TIMELESS: variants seen among roughly 807,000 people sequenced by gnomAD.
TIMELESS encodes timeless circadian regulator.
In TIMELESS, 124 loss-of-function variants were observed where a neutral mutation model predicts 164.3. The ratio of observed to expected loss-of-function variants is 0.75; its 90% CI spans 0.65 to 0.88. The LOEUF (loss-of-function observed/expected upper bound fraction) is 0.88, where lower values mean the gene tolerates loss of function less well. TIMELESS is among the 40% of genes least tolerant of loss of function. The pLI is 0.00. For missense variants in TIMELESS, 1,422 were observed against 1,491.4 expected, an observed-to-expected ratio of 0.95 and a Z score of 0.77; for synonymous variants, 564 against 563.4, an observed-to-expected ratio of 1.00 and a Z score of -0.02.
rs35380522 is a variant in TIMELESS, at chr12:56,435,956, CT to C, written c.-61-1726del. Among the ~76,000 whole-genome samples the C allele has an allele frequency of 1.2e-3, 106 of 86,176 alleles. 14 individuals are homozygous for C. The highest frequency in any genetic ancestry group is 1.1e-3 in the Admixed American group (8 of 7,250). 56.5% of individuals were successfully genotyped at this position (86,176 alleles called of 152,430 possible). On this transcript the variant is annotated intron_variant, in intron 1 of 28. Transcript: ENST00000553532. ...CCTGGGCGACAGAGCGAGACTCCGTCTTAAAAAAAAAAAAAAAAAAGAAACA... is the reference window on the plus strand; with the variant it reads ...CCTGGGCGACAGAGCGAGACTCCGTCTAAAAAAAAAAAAAAAAAAGAAACA...
chr12:56,420,052 G>GTA (rs1881412261), intron 26 of TIMELESS, among the ~76,000 whole-genome samples: 1 of 81,816 alleles, frequency 1.2e-5, no homozygotes, highest in Admixed American at 1.4e-4. Context: ...ATATATATGT[G>GTA]TGTGTGTGTG....
intron 15 of TIMELESS, among the ~76,000 whole-genome samples, chr12:56,424,464 C>CA (rs1881605899): frequency 6.6e-6 from 1 of 152,004 alleles, no homozygotes; most frequent in South Asian, 2.1e-4. Context: ...TTTCTCTTAA[C>CA]GTTATAAGAA....
intron 1 of TIMELESS, among the ~76,000 whole-genome samples, chr12:56,447,689 C>T (rs751501532): frequency 6.6e-5 from 10 of 152,120 alleles, no homozygotes; most frequent in Non-Finnish European, 1.5e-4. Flanking sequence ...ATGTTAGGAG[C>T]TCAGTAACCT....
At chr12:56,446,448 ATCTC>A (rs1868350800) in intron 1 of TIMELESS, among the ~76,000 whole-genome samples, 1 of 151,406 alleles carries the variant, frequency 6.6e-6, no homozygotes, top group Non-Finnish European at 1.5e-5. Context: ...TCTTTCATGA[ATCTC>A]TCTCCTGTTT....
chr12:56,449,102 G>A (rs1868470146), intron 1 of TIMELESS, among the ~76,000 whole-genome samples: 1 of 152,258 alleles, frequency 6.6e-6, no homozygotes, highest in Non-Finnish European at 1.5e-5. Context: ...GTAGGGCTAA[G>A]CCCGCGTCCG....
At chr12:56,443,983 C>T (rs756534124) in intron 1 of TIMELESS, among the ~76,000 whole-genome samples, 4 of 151,488 alleles carry the variant, frequency 2.6e-5, no homozygotes, top group Non-Finnish European at 4.4e-5. Flanking sequence ...ACTGCATCTC[C>T]GCCTCCTGGG....
intron 13 of TIMELESS, among the ~76,000 whole-genome samples, chr12:56,426,686 A>C (rs761983846): frequency 8.5e-5 from 13 of 152,070 alleles, no homozygotes; most frequent in Non-Finnish European, 4.4e-5. Flanking sequence ...CAGCCTCCCA[A>C]GAAGCTGGGA....
Position 56,433,600 on chromosome 12 carries a change from T to C in TIMELESS, c.304A>G (p.Lys102Glu). 1.9e-6 allele frequency: 3 copies of C among 1,614,202 alleles called. No homozygotes were observed. The highest frequency in any genetic ancestry group is 2.2e-5 in the East Asian group (1 of 44,888). ...AAATGGTGCCGAAAGCTGGGCTCCTTAGGCAGATTGCCAAAACAGAGCAAG... is the reference window on the plus strand; with the variant it reads ...AAATGGTGCCGAAAGCTGGGCTCCTCAGGCAGATTGCCAAAACAGAGCAAG... ...PALLCFGNLP[K>E]EPSFRHHFLQ... Residue 102 changes from lysine (K) to glutamate (E), a missense_variant, in exon 4 of 29, where the codon AAG (lysine) becomes GAG (glutamate). Transcript: ENST00000553532.
rs1029468480 is a variant in TIMELESS at position 56,425,277 on chromosome 12, G to A, written c.1579-125C>T. 1.9e-5 allele frequency: 23 copies of A among 1,195,940 alleles called. 1 individual carries two copies. The highest frequency in any genetic ancestry group is 9.7e-5 in the South Asian group (6 of 62,094). 74.1% of individuals were successfully genotyped at this position (1,195,940 alleles called of 1,614,324 possible). A position where few individuals can be genotyped will look rare whatever the true frequency, so the allele number is the denominator to read the frequency against. On this transcript the variant is annotated intron_variant, in intron 13 of 28. Transcript: ENST00000553532. The stretch of plus-strand genomic sequence containing the variant: ...GAGTGCCCATTATCTGCTATCCATC[G>A]GTAATAGAAAGCAATAGTGAACAGC...
chr12:56,432,249 C>T, intron 7 of TIMELESS, 120 bp downstream of exon 7: 10 of 1,213,794 alleles, frequency 8.2e-6, no homozygotes, highest in Non-Finnish European at 1.2e-5. Context: ...CAAGACATGG[C>T]TACTCCTGCT....
At chr12:56,442,158 A>G (rs563843976) in intron 1 of TIMELESS, among the ~76,000 whole-genome samples, 1 of 127,904 alleles carries the variant, frequency 7.8e-6, no homozygotes, top group Admixed American at 7.9e-5. Context: ...TGTAAAAGAT[A>G]AGGCAGTACA....
Position 56,425,076 on chromosome 12 carries a change from C to T in TIMELESS, c.1655G>A (p.Ser552Asn), listed in dbSNP as rs376768006. 595 of 1,614,094 alleles carry T rather than the reference C, an allele frequency of 3.7e-4. No homozygotes were observed. The highest frequency in any genetic ancestry group is 4.9e-4 in the Non-Finnish European group (577 of 1,180,048). ...QAIVSGNVPSSPEEVEAVWPA... is the reference protein window; with the variant it reads ...QAIVSGNVPSNPEEVEAVWPA... ...CCACACAGCCTCCACTTCTTCTGGG[C>T]TAGATGGGACATTACCAGAAACAAT... The change falls in exon 14 of 29, where the codon AGC becomes AAC. Residue 552 changes from serine to asparagine, a missense_variant. Physicochemically the swap from Ser to Asn is conservative, Grantham distance 46 (BLOSUM62 1). Transcript: ENST00000553532.
intron 13 of TIMELESS, among the ~76,000 whole-genome samples, chr12:56,426,248 AGAT>A (rs1881673302): frequency 6.6e-6 from 1 of 152,216 alleles, no homozygotes; most frequent in African/African-American, 2.4e-5. Flanking sequence ...CTAGTATTAC[AGAT>A]AATACCACAG....
chr12:56,448,310 G>A (rs1868414870), intron 1 of TIMELESS, among the ~76,000 whole-genome samples: 4 of 152,250 alleles, frequency 2.6e-5, no homozygotes, highest in Admixed American at 2.6e-4. Flanking sequence ...GGAGGCTGAG[G>A]CAGGAGAATC....
Position 56,433,118 on chromosome 12 carries a change from C to T in TIMELESS, c.439G>A (p.Glu147Lys). Residue 147 changes from glutamate to lysine, a missense_variant, in exon 6 of 29, where the codon GAA (glutamate) becomes AAA (lysine). Transcript: ENST00000553532. ...LYELLQLGWE[E>K]RQEEDNLLIE... ...AGCAAGTTGTCTTCCTCCTGCCGTT[C>T]CTCCCAGCCCTAACCAGAAGAGAGT... is the stretch of plus-strand genomic sequence containing the variant. The T allele has an allele frequency of 2.5e-6, 4 of 1,614,128 alleles. No homozygotes were observed. Among genetic ancestry groups the T allele is most frequent in the East Asian group, 2.2e-5 (1 of 44,884 alleles).
chr12:56,418,723 G>A (rs1055661305), intron 26 of TIMELESS, among the ~76,000 whole-genome samples: 2 of 151,816 alleles, frequency 1.3e-5, no homozygotes, highest in Non-Finnish European at 2.9e-5. Context: ...GACCACAGGG[G>A]TGCATGCCAC....
At position 56,424,761 on chromosome 12, in the gene TIMELESS, C is replaced by A; in HGVS notation, c.1868+1G>T. ...AGAGGATGAGCAGGCAGGGTTCTTACCGAGCAGACCTCAGGAGAGTCAGGG... is the reference window on the plus strand; with the variant it reads ...AGAGGATGAGCAGGCAGGGTTCTTAACGAGCAGACCTCAGGAGAGTCAGGG... On this transcript the variant is annotated splice_donor_variant, in intron 15 of 28. Transcript: ENST00000553532. LOFTEE classifies it high-confidence loss of function. 1.2e-6 allele frequency: 2 copies of A among 1,613,392 alleles called. No individual in the cohort carries two copies. The highest frequency in any genetic ancestry group is 1.7e-6 in the Non-Finnish European group (2 of 1,179,614).
At chr12:56,439,143 G>A (rs1217292343) in intron 1 of TIMELESS, among the ~76,000 whole-genome samples, 1 of 121,032 alleles carries the variant, frequency 8.3e-6, no homozygotes, top group Non-Finnish European at 1.6e-5. Flanking sequence ...TCCAGCTTGG[G>A]CACCAAGAGT....
chr12:56,426,488 G>A (rs1368088513), intron 13 of TIMELESS, among the ~76,000 whole-genome samples: 8 of 151,172 alleles, frequency 5.3e-5, no homozygotes, highest in Admixed American at 5.3e-4. Context: ...CTGGGTTCAA[G>A]CGATTCTCCT....
Sources: gnomAD v4.1 joint callset for allele counts (sites outside exome capture counted in the v4.1 genomes callset) on GRCh38, gnomAD v4.1.1 for gene constraint, MANE v1.5 for transcripts, NCBI Gene and HGNC (gene_info 2026-07-23, HGNC 2026-07-21) for gene names.